PFKL: variants seen among roughly 807,000 people sequenced by gnomAD.
PFKL encodes phosphofructokinase, liver type.
A neutral mutation model predicts 92.1 loss-of-function variants in PFKL; 74 were observed. The ratio of observed to expected loss-of-function variants is 0.80; its 90% CI spans 0.67 to 0.97. PFKL has a LOEUF of 0.97. PFKL is among the 50% of genes least tolerant of loss of function. The pLI, the probability that PFKL is intolerant of heterozygous loss-of-function variation, is 0.00. For missense variants in PFKL, 1,028 were observed against 1,116.6 expected (o/e 0.92, Z 1.13); for synonymous variants, 494 against 456.4 (o/e 1.08, Z -1.05).
chr21:44,305,462 G>T, intron 1 of PFKL: 1 of 1,306,852 alleles, frequency 7.7e-7, no homozygotes. Context: ...TGGGAGGGCA[G>T]GGGCTTTTGA....
intron 2 of PFKL, among the ~76,000 whole-genome samples, chr21:44,309,178 C>T (rs535279080): frequency 3.9e-5 from 6 of 152,290 alleles, no homozygotes; most frequent in East Asian, 1.9e-4. Context: ...GAGCCCCCAG[C>T]GCTGGCTTCC....
intron 11 of PFKL, 179 bp from the exon 12 acceptor site, chr21:44,319,905 G>T (rs1242565280): frequency 3.3e-6 from 2 of 608,530 alleles, no homozygotes; most frequent in African/African-American, 3.7e-5. Flanking sequence ...TGTGTTGGGG[G>T]TCTCGCACCT....
chr21:44,311,125 C>T, intron 3 of PFKL, 42 bp downstream of exon 3: 1 of 1,497,754 alleles, frequency 6.7e-7, no homozygotes, highest in Non-Finnish European at 9.3e-7. Context: ...CTTGGACTCG[C>T]AGACAGACAC....
chr21:44,305,816 A>C (rs755972547), intron 1 of PFKL: 1 of 1,366,918 alleles, frequency 7.3e-7, no homozygotes, highest in Non-Finnish European at 9.8e-7. Context: ...GGCTTTGCCA[A>C]GGCCCCCGCT....
chr21:44,321,993 G>A, intron 13 of PFKL, 118 bp downstream of exon 13: 1 of 1,442,470 alleles, frequency 6.9e-7, no homozygotes, highest in South Asian at 1.4e-5. Context: ...CCGCGTGTCG[G>A]TGCCCACCCG....
chr21:44,311,263 CACACACAGACCCGTGCACGG>C (rs1030788238), intron 3 of PFKL, among the ~76,000 whole-genome samples, 180 bp downstream of exon 3: 2 of 151,600 alleles, frequency 1.3e-5, no homozygotes, highest in African/African-American at 2.4e-5. Context: ...CAGATGCGTG[CACACACAGACCCGTGCACGG>C]ACACACAGGC....
intron 7 of PFKL, 111 bp from the exon 8 acceptor site, chr21:44,316,133 C>G (rs2047197683): frequency 2.2e-6 from 2 of 927,876 alleles, no homozygotes; most frequent in African/African-American, 3.2e-5. Flanking sequence ...TGTGCCCTGG[C>G]CCATGTGGGT....
intron 19 of PFKL, 69 bp downstream of exon 19, chr21:44,325,333 G>C: frequency 8.8e-7 from 1 of 1,142,580 alleles, no homozygotes; most frequent in Non-Finnish European, 1.3e-6. Context: ...CCCGGCCCCA[G>C]GGGTCCCAGC....
intron 1 of PFKL, among the ~76,000 whole-genome samples, chr21:44,300,393 C>G (rs535631123): frequency 6.6e-6 from 1 of 152,004 alleles, no homozygotes; most frequent in Non-Finnish European, 1.5e-5. Flanking sequence ...CGGCCGGCCA[C>G]GTTCTCGGCC....
chr21:44,310,732 G>A (rs1240226220), intron 2 of PFKL, among the ~76,000 whole-genome samples: 1 of 150,810 alleles, frequency 6.6e-6, no homozygotes, highest in African/African-American at 2.4e-5. Flanking sequence ...GATCTGGGTG[G>A]GGTGAGGGAG....
At chr21:44,302,914 A>G (rs971821290) in intron 1 of PFKL, among the ~76,000 whole-genome samples, 1 of 152,142 alleles carries the variant, frequency 6.6e-6, no homozygotes, top group Non-Finnish European at 1.5e-5. Flanking sequence ...CTATTTGCAC[A>G]ATAACCTGTG....
intron 1 of PFKL, among the ~76,000 whole-genome samples, chr21:44,304,691 G>C (rs551414909): frequency 1.4e-5 from 2 of 138,160 alleles, no homozygotes; most frequent in Admixed American, 1.5e-4. Context: ...CAGCTGTCTG[G>C]GGGGGGCTCG....
intron 21 of PFKL, among the ~76,000 whole-genome samples, chr21:44,326,479 G>T (rs1001186778): frequency 7.2e-5 from 11 of 152,184 alleles, no homozygotes; most frequent in African/African-American, 2.7e-4. Context: ...GTGGGCATGG[G>T]GGCACAGCGG....
chr21:44,304,914 G>A (rs59152409), intron 1 of PFKL, among the ~76,000 whole-genome samples: 21,482 of 152,140 alleles, frequency 0.14, 1,701 homozygotes, highest in East Asian at 0.38. Flanking sequence ...CTTTAGAGAC[G>A]GCGTTGCTTG....
chr21:44,325,896 C>A (rs1220072198), intron 19 of PFKL, 65 bp from the exon 20 acceptor site: 1 of 1,224,886 alleles, frequency 8.2e-7, no homozygotes, highest in Non-Finnish European at 1.2e-6. Flanking sequence ...CCTGTCTGCA[C>A]TGGCGTTGGC....
intron 2 of PFKL, among the ~76,000 whole-genome samples, chr21:44,310,339 G>A (rs1387217283): frequency 2.0e-5 from 3 of 152,192 alleles, no homozygotes; most frequent in Non-Finnish European, 2.9e-5. Context: ...CAGTGTGGCC[G>A]GCGTGGCGGG....
intron 19 of PFKL, 41 bp from the exon 20 acceptor site, chr21:44,325,920 G>A: frequency 6.6e-7 from 1 of 1,516,182 alleles, no homozygotes; most frequent in Non-Finnish European, 9.1e-7. Flanking sequence ...GGCCCAGGCA[G>A]CCCAGGGGAG....
Position 44,321,769 on chromosome 21 carries a change from C to T in PFKL, c.1232C>T (p.Ala411Val), listed in dbSNP as rs1193775522. The change falls in exon 13 of 22, where the codon GCG becomes GTG. Residue 411 changes from alanine (A) to valine (V), a missense_variant. Ala to Val is a moderately conservative substitution (Grantham distance 64, BLOSUM62 0). Coordinates refer to ENST00000349048, the MANE Select transcript of PFKL (RefSeq NM_002626.6). ...GCCATCCTGAATGTGGGGGCCCCGG[C>T]GGCTGGCATGAATGCGGCCGTGCGC... The part of the protein sequence containing the change: ...SLAILNVGAP[A>V]AGMNAAVRSA... The T allele has an allele frequency of 1.9e-6, 3 of 1,595,460 alleles. No individual in the cohort carries two copies. The highest frequency in any genetic ancestry group is 8.5e-7 in the Non-Finnish European group (1 of 1,171,348).
rs1212676277 is a variant in PFKL at position 44,326,072 on chromosome 21, GT to G, written c.2089+13del. On this transcript the variant is annotated intron_variant, in intron 20 of 21. Coordinates refer to ENST00000349048, the MANE Select transcript of PFKL (RefSeq NM_002626.6). ...GGTTTACCGCAAGGGTAGGTGGTGG[GT>G]GCGACCCGAGGCCTCACTTTGCCCT... 6.2e-7 allele frequency: 1 copy of G among 1,612,274 alleles called. No homozygotes were observed. The highest frequency in any genetic ancestry group is 2.2e-5 in the East Asian group (1 of 44,860).
Sources: allele counts gnomAD v4.1 joint callset (sites outside exome capture counted in the v4.1 genomes callset), GRCh38; gene constraint gnomAD v4.1.1; transcripts MANE v1.5; gene names NCBI Gene and HGNC (gene_info 2026-07-23, HGNC 2026-07-21).